NEDD4: variants seen among roughly 807,000 people sequenced by gnomAD.
NEDD4 encodes the protein E3 ubiquitin-protein ligase NEDD4.
A neutral mutation model predicts 144.9 loss-of-function variants in NEDD4; 99 were observed. That is an observed-to-expected ratio of 0.68 (90% CI 0.58 to 0.81). The LOEUF (loss-of-function observed/expected upper bound fraction) is 0.81. NEDD4 is among the 30% of genes least tolerant of loss of function. The probability of loss-of-function intolerance (pLI) is 0.00; values close to 1 mark genes in which losing one functional copy is unlikely to be tolerated. For missense variants in NEDD4, 985 were observed against 1,065.9 expected (o/e 0.92, Z 1.06); for synonymous variants, 318 against 350.6 (o/e 0.91, Z 1.04).
Position 55,916,705 on chromosome 15 carries a change from T to C in NEDD4, c.291+7941A>G, listed in dbSNP as rs148700559. ...AGCTTCATTTGAACAACGTTAGACG[T>C]TGAAATCCGTGTTGGTCTTTTGAAG... On this transcript the variant is annotated intron_variant, in intron 5 of 28. Transcript: ENST00000435532. 58 of 1,613,944 alleles carry C rather than the reference T, an allele frequency of 3.6e-5. No homozygotes were observed. Among genetic ancestry groups the C allele is most frequent in the South Asian group, 2.1e-4 (19 of 91,086 alleles).
chr15:55,941,710 C>T (rs573026952), intron 4 of NEDD4, among the ~76,000 whole-genome samples: 57 of 152,096 alleles, frequency 3.7e-4, no homozygotes, highest in Admixed American at 2.7e-3. Flanking sequence ...ATTACAGGTG[C>T]GCACCATCAC....
chr15:55,977,585 A>G (rs947349582), intron 1 of NEDD4, among the ~76,000 whole-genome samples: 2 of 152,218 alleles, frequency 1.3e-5, no homozygotes, highest in Non-Finnish European at 2.9e-5. Context: ...ACTTTCTTCC[A>G]TCACCAAATA....
chr15:55,844,583 G>T (rs1394219486), intron 18 of NEDD4, among the ~76,000 whole-genome samples: 1 of 152,088 alleles, frequency 6.6e-6, no homozygotes, highest in Non-Finnish European at 1.5e-5. Flanking sequence ...CTTTGGGCAG[G>T]TTACATGTCT....
chr15:55,899,590 G>A (rs571759321), intron 5 of NEDD4, among the ~76,000 whole-genome samples: 2 of 152,308 alleles, frequency 1.3e-5, no homozygotes, highest in South Asian at 4.1e-4. Flanking sequence ...AAGCCATTGG[G>A]ATGGGGCTCC....
chr15:55,952,127 G>A (rs2037251951), intron 2 of NEDD4, among the ~76,000 whole-genome samples: 1 of 151,494 alleles, frequency 6.6e-6, no homozygotes, highest in South Asian at 2.1e-4. Context: ...AGGAGATCAA[G>A]ACCGTCCTGG....
intron 4 of NEDD4, among the ~76,000 whole-genome samples, chr15:55,939,995 T>C (rs559250155): frequency 4.6e-5 from 7 of 152,206 alleles, no homozygotes; most frequent in African/African-American, 1.7e-4. Flanking sequence ...ATTAAGAAAA[T>C]GTGACATATA....
chr15:55,940,105 T>C (rs1161547651), intron 4 of NEDD4, among the ~76,000 whole-genome samples: 1 of 152,144 alleles, frequency 6.6e-6, no homozygotes, highest in African/African-American at 2.4e-5. Flanking sequence ...AATAAGCTAG[T>C]CCCAGAAGAA....
intron 1 of NEDD4, among the ~76,000 whole-genome samples, chr15:55,975,627 AC>A (rs57165807): frequency 0.023 from 2,878 of 123,862 alleles, 102 homozygotes; most frequent in African/African-American, 0.077. Context: ...AGAAGACGAC[AC>A]CAAAAAAAAA....
intron 7 of NEDD4, 25 bp from the exon 8 acceptor site, chr15:55,869,706 AT>A (rs1278304215): frequency 1.4e-6 from 2 of 1,387,884 alleles, no homozygotes; most frequent in Non-Finnish European, 2.0e-6. Flanking sequence ...ATAAATATTC[AT>A]AAAACTTTAA....
chr15:55,948,607 T>C (rs1259131453), intron 4 of NEDD4, among the ~76,000 whole-genome samples: 4 of 152,160 alleles, frequency 2.6e-5, no homozygotes, highest in Admixed American at 6.5e-5. Context: ...AAAACAGAGA[T>C]ACAGACCAAT....
At chr15:55,830,410 G>T in intron 28 of NEDD4, 104 bp downstream of exon 28, 1 of 1,005,416 alleles carries the variant, frequency 9.9e-7, no homozygotes. Flanking sequence ...ATCCATACCT[G>T]CCACCGACAT....
chr15:55,957,607 C>A (rs188875997), intron 2 of NEDD4, among the ~76,000 whole-genome samples: 62 of 152,092 alleles, frequency 4.1e-4, no homozygotes, highest in Non-Finnish European at 8.2e-4. Context: ...TTTGACCCAG[C>A]GATCCCATTA....
intron 5 of NEDD4, among the ~76,000 whole-genome samples, chr15:55,884,081 T>C (rs1260882479): frequency 1.3e-5 from 2 of 152,134 alleles, no homozygotes; most frequent in African/African-American, 4.8e-5. Flanking sequence ...GGTTTCACCA[T>C]GTTGGCCAGG....
At chr15:55,990,820 T>C (rs1429134168) in intron 1 of NEDD4, among the ~76,000 whole-genome samples, 1 of 152,220 alleles carries the variant, frequency 6.6e-6, no homozygotes, top group Middle Eastern at 3.2e-3. Context: ...GTGCATGTTA[T>C]TCTCTACTGT....
intron 1 of NEDD4, among the ~76,000 whole-genome samples, chr15:55,971,610 G>A (rs1345153203): frequency 7.2e-6 from 1 of 139,538 alleles, no homozygotes; most frequent in African/African-American, 2.8e-5. Flanking sequence ...GGGCAACACG[G>A]TGAGACTCTG....
At chr15:55,979,230 A>G (rs1230783705) in intron 1 of NEDD4, among the ~76,000 whole-genome samples, 20 of 151,806 alleles carry the variant, frequency 1.3e-4, no homozygotes, top group Non-Finnish European at 2.1e-4. Flanking sequence ...AATTGAAAAA[A>G]TAAGAATGCT....
At chr15:55,893,516 T>C (rs970148195) in intron 5 of NEDD4, among the ~76,000 whole-genome samples, 2 of 151,904 alleles carry the variant, frequency 1.3e-5, no homozygotes, top group Admixed American at 6.6e-5. Flanking sequence ...AAAACTTGAA[T>C]TGAAATTATC....
chr15:55,840,409 AT>A, intron 21 of NEDD4, 37 bp downstream of exon 21: 1 of 1,543,210 alleles, frequency 6.5e-7, no homozygotes, highest in African/African-American at 1.4e-5. Flanking sequence ...TGCTTGTTAA[AT>A]TATACTTCGT....
At chr15:55,916,209 GA>G in intron 5 of NEDD4, 1 of 1,613,998 alleles carries the variant, frequency 6.2e-7, no homozygotes, top group Non-Finnish European at 8.5e-7. Context: ...GGTGCTGTCA[GA>G]AGGTAAGTTT....
Sources: allele counts gnomAD v4.1 joint callset (sites outside exome capture counted in the v4.1 genomes callset), GRCh38; gene constraint gnomAD v4.1.1; transcripts MANE v1.5; gene names NCBI Gene and HGNC (gene_info 2026-07-23, HGNC 2026-07-21).